The following FGFR1OP2 variants were observed in gnomAD, a reference collection of about 807,000 sequenced individuals.
The protein encoded by FGFR1OP2 is fibroblast growth factor receptor 1 oncogene partner 2.
Under a neutral mutation model 35.2 loss-of-function variants are expected in FGFR1OP2, and 17 were observed. The observed-to-expected ratio is 0.48, with a 90% CI of 0.33 to 0.73. The LOEUF (loss-of-function observed/expected upper bound fraction) is 0.73, where lower values mean the gene tolerates loss of function less well. Among genes scored for constraint, FGFR1OP2 ranks in the 30% least tolerant of loss-of-function variants. The pLI is 0.02. For missense variants in FGFR1OP2, 251 were observed against 307.3 expected (o/e 0.82, Z 1.37); for synonymous variants, 105 against 104.6 (o/e 1.00, Z -0.03).
intron 5 of FGFR1OP2, chr12:26,962,489 A>G (rs191017330): frequency 1.3e-5 from 2 of 152,294 alleles, no homozygotes; most frequent in Admixed American, 1.3e-4. Flanking sequence ...ATAATGGTCT[A>G]TAGAAGCTGT....
chr12:26,966,601 A>G lies in FGFR1OP2; in HGVS notation c.*1868A>G, dbSNP rs1294932094. The G allele has an allele frequency of 1.4e-5, 2 of 142,244 alleles. No homozygotes were observed. The highest frequency in any genetic ancestry group is 4.0e-4 in the East Asian group (2 of 4,998). 8.8% of individuals were successfully genotyped at this position (142,244 alleles called of 1,614,324 possible). On this transcript the variant is annotated 3_prime_UTR_variant, in exon 7 of 7. Transcript: ENST00000229395. ...CCTTAAGTTTATGTTTGAGGTATGT[A>G]CTGCATAGGAACCTATTTTATTATT...
At chr12:26,939,548 G>T (rs1445825739) in intron 1 of FGFR1OP2, among the ~76,000 whole-genome samples, 1 of 152,096 alleles carries the variant, frequency 6.6e-6, no homozygotes, top group African/African-American at 2.4e-5. Context: ...ACTTTTGTAC[G>T]TGCGGATGTC....
Position 26,954,112 on chromosome 12 carries a change from T to C in FGFR1OP2, c.-14-33T>C, listed in dbSNP as rs759883908. ...CTAAAATAAAGAGATATGTTGACTT[T>C]ATTTTGAGTCTTGATTTTAATTTTA... On this transcript the variant is annotated intron_variant, in intron 1 of 6. Coordinates refer to ENST00000229395, the MANE Select transcript of FGFR1OP2 (RefSeq NM_015633.3). 5 of 1,469,188 alleles carry C rather than the reference T, an allele frequency of 3.4e-6. No homozygotes were observed. The African/African-American group carries it at 7.2e-5, about 21-fold the overall frequency. The allele number at this position is 1,469,188 out of a possible 1,614,324, so 91.0% of individuals were successfully genotyped here. A position where few individuals can be genotyped will look rare whatever the true frequency, so the allele number is the denominator to read the frequency against.
At chr12:26,963,514 A>G (rs1333537665) in intron 6 of FGFR1OP2, 59 bp downstream of exon 6, 1 of 1,071,618 alleles carries the variant, frequency 9.3e-7, no homozygotes, top group Non-Finnish European at 1.4e-6. Context: ...TATGCCAGAA[A>G]ATATATCCCA....
intron 4 of FGFR1OP2, among the ~76,000 whole-genome samples, chr12:26,958,976 A>G (rs990941848): frequency 6.6e-6 from 1 of 152,158 alleles, no homozygotes; most frequent in Non-Finnish European, 1.5e-5. Context: ...AGGAAAGGAC[A>G]TATTTTCATA....
At chr12:26,955,977 G>C (rs1414110675) in intron 2 of FGFR1OP2, among the ~76,000 whole-genome samples, 1 of 151,984 alleles carries the variant, frequency 6.6e-6, no homozygotes, top group Non-Finnish European at 1.5e-5. Flanking sequence ...CTTTGATTGC[G>C]GCCCAGCACA....
At chr12:26,957,094 C>G (rs58111600) in intron 3 of FGFR1OP2, among the ~76,000 whole-genome samples, 10,132 of 152,202 alleles carry the variant, frequency 0.067, 452 homozygotes, top group East Asian at 0.2. Context: ...CTTCCCACAG[C>G]TTTCTTCACT....
In FGFR1OP2 at chr12:26,963,360, G is replaced by T; in HGVS notation, c.529G>T (p.Asp177Tyr). The change falls in exon 6 of 7, where the codon GAC becomes TAC. Residue 177 changes from aspartate (D) to tyrosine (Y), a missense_variant. Transcript: ENST00000229395. ...TTTTCAGGAACTGCAAGCACATGTT[G>T]ACCAGATAACTGAAATGGCAGCAGT... ...ANQNELQAHV[D>Y]QITEMAAVMR... 2.5e-6 allele frequency: 4 copies of T among 1,608,348 alleles called. No homozygotes were observed. Among genetic ancestry groups the T allele is most frequent in the Non-Finnish European group, 3.4e-6 (4 of 1,176,464 alleles).
chr12:26,951,908 A>G (rs1026609460), intron 1 of FGFR1OP2, among the ~76,000 whole-genome samples: 2 of 152,148 alleles, frequency 1.3e-5, no homozygotes, highest in African/African-American at 4.8e-5. Flanking sequence ...AGAGAGTTCT[A>G]TTACTTGAGT....
chr12:26,950,944 A>G (rs1280764197), intron 1 of FGFR1OP2, among the ~76,000 whole-genome samples: 2 of 152,196 alleles, frequency 1.3e-5, no homozygotes, highest in African/African-American at 2.4e-5. Flanking sequence ...TAATATGAAA[A>G]AGAGAGAGTA....
At chr12:26,953,423 T>G (rs1031031039) in intron 1 of FGFR1OP2, 1 of 152,198 alleles carries the variant, frequency 6.6e-6, no homozygotes, top group African/African-American at 2.4e-5. Flanking sequence ...CAATTGACTG[T>G]TTCATGTTTT....
chr12:26,957,676 G>A lies in FGFR1OP2; in HGVS notation c.329G>A (p.Arg110Lys), dbSNP rs761611590. 1.2e-6 allele frequency: 2 copies of A among 1,613,542 alleles called. No homozygotes were observed. Among genetic ancestry groups the A allele is most frequent in the South Asian group, 2.2e-5 (2 of 91,070 alleles). Reference protein sequence around the residue: ...IMSKYREQMFRLLMASKKDDP... With the variant: ...IMSKYREQMFKLLMASKKDDP... Reference sequence around the variant, plus strand: ...AGCAAGTACCGAGAACAAATGTTTAGATTGCTAATGGCTAGCAAAAAAGAT... The same window carrying A: ...AGCAAGTACCGAGAACAAATGTTTAAATTGCTAATGGCTAGCAAAAAAGAT... Residue 110 changes from arginine to lysine, a missense_variant, in exon 4 of 7, where the codon AGA (arginine) becomes AAA (lysine). Coordinates refer to ENST00000229395, the MANE Select transcript of FGFR1OP2 (RefSeq NM_015633.3).
chr12:26,953,689 T>C (rs1406720926), intron 1 of FGFR1OP2: 1 of 152,316 alleles, frequency 6.6e-6, no homozygotes, highest in Non-Finnish European at 1.5e-5. Context: ...GTGTGTCAAG[T>C]CACCTGACCA....
chr12:26,957,101 C>T (rs1939033915), intron 3 of FGFR1OP2, among the ~76,000 whole-genome samples: 1 of 152,142 alleles, frequency 6.6e-6, no homozygotes, highest in African/African-American at 2.4e-5. Context: ...CAGCTTTCTT[C>T]ACTGTGAACT....
intron 4 of FGFR1OP2, among the ~76,000 whole-genome samples, chr12:26,958,217 C>T (rs758361278): frequency 1.8e-4 from 27 of 151,996 alleles, no homozygotes; most frequent in Non-Finnish European, 3.4e-4. Flanking sequence ...AAAAATTAGC[C>T]GGGTGTGGTA....
intron 6 of FGFR1OP2, 68 bp from the exon 7 acceptor site, chr12:26,964,528 C>T: frequency 6.5e-7 from 1 of 1,542,204 alleles, no homozygotes; most frequent in South Asian, 1.2e-5. Context: ...TTTTTCCTAA[C>T]ATATGTTTGT....
intron 2 of FGFR1OP2, among the ~76,000 whole-genome samples, 167 bp from the exon 3 acceptor site, chr12:26,956,376 T>C (rs1194340014): frequency 6.6e-6 from 1 of 151,610 alleles, no homozygotes; most frequent in Admixed American, 6.6e-5. Flanking sequence ...TGGGGTTATT[T>C]TCATTTTATT....
chr12:26,956,235 C>G (rs543081166), intron 2 of FGFR1OP2, among the ~76,000 whole-genome samples: 2 of 151,892 alleles, frequency 1.3e-5, no homozygotes, highest in Admixed American at 1.3e-4. Flanking sequence ...CAGTCATCCT[C>G]GTGGGATATA....
At chr12:26,956,132 CT>C (rs1939015140) in intron 2 of FGFR1OP2, among the ~76,000 whole-genome samples, 1 of 152,114 alleles carries the variant, frequency 6.6e-6, no homozygotes, top group African/African-American at 2.4e-5. Flanking sequence ...TTGGACACCC[CT>C]GAACTACATC....
Sources: allele counts gnomAD v4.1 joint callset (sites outside exome capture counted in the v4.1 genomes callset), GRCh38; gene constraint gnomAD v4.1.1; transcripts MANE v1.5; gene names NCBI Gene and HGNC (gene_info 2026-07-23, HGNC 2026-07-21).